CEP89: variants seen among roughly 807,000 people sequenced by gnomAD.
CEP89 encodes the protein centrosomal protein of 89 kDa.
Under a neutral mutation model 97.6 loss-of-function variants are expected in CEP89, and 95 were observed. The observed-to-expected ratio is 0.97, with a 90% CI of 0.82 to 1.15. The LOEUF is 1.15. Ranked by LOEUF, CEP89 falls within the 50% of genes most tolerant of loss-of-function variation. The pLI, the probability that CEP89 is intolerant of heterozygous loss-of-function variation, is 0.00. For synonymous variants in CEP89, 354 were observed against 349.1 expected (o/e 1.01, Z -0.16); for missense variants, 869 against 947.7 (o/e 0.92, Z 1.09).
At chr19:32,912,764 CG>C (rs1370252220) in intron 14 of CEP89, among the ~76,000 whole-genome samples, 1 of 151,958 alleles carries the variant, frequency 6.6e-6, no homozygotes, top group Non-Finnish European at 1.5e-5. Flanking sequence ...AAAATATGGC[CG>C]GGCGCGGTGG....
Position 32,891,183 on chromosome 19 carries a change from C to T in CEP89, c.1876-3342G>A, listed in dbSNP as rs568767010. 3.3e-5 allele frequency among the ~76,000 whole-genome samples: 5 copies of T among 152,356 alleles called. No homozygotes were observed. In the East Asian group the frequency reaches 5.8e-4, roughly 18 times the overall value. ...TAACAGCAACCCCACCCCCTCCAGCCGCAGAGCCCTGCGCACGTGCATGTG... is the reference window on the plus strand; with the variant it reads ...TAACAGCAACCCCACCCCCTCCAGCTGCAGAGCCCTGCGCACGTGCATGTG... On this transcript the variant is annotated intron_variant, in intron 16 of 18. Coordinates refer to ENST00000305768, the MANE Select transcript of CEP89 (RefSeq NM_032816.5).
intron 1 of CEP89, 168 bp downstream of exon 1, chr19:32,971,668 A>AG: frequency 1.5e-6 from 1 of 676,384 alleles, no homozygotes; most frequent in Non-Finnish European, 2.5e-6. Flanking sequence ...TAAAAAAAAA[A>AG]AAAAAAGTTT....
intron 8 of CEP89, among the ~76,000 whole-genome samples, chr19:32,932,292 T>G (rs1006267741): frequency 6.7e-6 from 1 of 150,204 alleles, no homozygotes; most frequent in African/African-American, 2.5e-5. Flanking sequence ...AAACAGAAAA[T>G]AGATCCCACA....
rs1469969337 is a variant in CEP89 at position 32,876,729 on chromosome 19, T to C, written c.*2433A>G. ...TGGCATCCTGGACTCGTGGCTTCTCTGCCCATTTCCTATGGCACCCAGCAG... is the reference window on the plus strand; with the variant it reads ...TGGCATCCTGGACTCGTGGCTTCTCCGCCCATTTCCTATGGCACCCAGCAG... On this transcript the variant is annotated 3_prime_UTR_variant, in exon 19 of 19. Transcript: ENST00000305768. The C allele has an allele frequency of 6.6e-6, 1 of 152,378 alleles. No individual in the cohort carries two copies. 9.4% of individuals were successfully genotyped at this position (152,378 alleles called of 1,614,324 possible).
intron 16 of CEP89, among the ~76,000 whole-genome samples, chr19:32,892,600 C>G (rs1029059270): frequency 3.3e-5 from 5 of 151,378 alleles, no homozygotes; most frequent in African/African-American, 7.3e-5. Flanking sequence ...GCCACTGTGC[C>G]CAGCTAATAG....
chr19:32,900,246 ATTTT>A (rs55730702), intron 15 of CEP89, among the ~76,000 whole-genome samples: 1 of 133,970 alleles, frequency 7.5e-6, no homozygotes, highest in African/African-American at 2.8e-5. Flanking sequence ...GAATAGGTTC[ATTTT>A]TTTTTTTTTT....
intron 4 of CEP89, among the ~76,000 whole-genome samples, chr19:32,949,785 T>G (rs1217515853): frequency 2.0e-5 from 3 of 152,134 alleles, no homozygotes; most frequent in Non-Finnish European, 4.4e-5. Context: ...GTGATCAGTT[T>G]GGCTTAGCTG....
intron 16 of CEP89, among the ~76,000 whole-genome samples, chr19:32,890,794 G>T (rs931541843): frequency 5.9e-5 from 9 of 152,140 alleles, no homozygotes; most frequent in African/African-American, 2.2e-4. Flanking sequence ...TGACCCCACT[G>T]CTCCAGAGCG....
intron 16 of CEP89, among the ~76,000 whole-genome samples, chr19:32,896,376 C>A (rs1969641900): frequency 6.6e-6 from 1 of 152,020 alleles, no homozygotes; most frequent in Non-Finnish European, 1.5e-5. Context: ...GGAAAGGGCA[C>A]CCTCTTCAAT....
intron 2 of CEP89, among the ~76,000 whole-genome samples, chr19:32,962,754 G>A (rs1188808180): frequency 3.3e-5 from 5 of 152,178 alleles, no homozygotes; most frequent in South Asian, 2.1e-4. Context: ...ACTATATAAT[G>A]AACCCTCAGG....
At position 32,899,929 on chromosome 19, in the gene CEP89, A is replaced by G; in HGVS notation, c.1803T>C (p.Ala601=). The change falls in exon 16 of 19, where the codon GCT becomes GCC. Residue 601 remains alanine (A), a synonymous_variant. Transcript: ENST00000305768. The part of the protein sequence containing the change: ...VEKAMGNEMS[A]HQYLANLVGL... ...CAACAAGGTTTGCCAGGTACTGATG[A>G]GCAGACATTTCGTTCCCCATGGCTT... is the stretch of plus-strand genomic sequence containing the variant. The G allele has an allele frequency of 6.2e-7, 1 of 1,614,002 alleles. No homozygotes were observed. Among genetic ancestry groups the G allele is most frequent in the East Asian group, 2.2e-5 (1 of 44,868 alleles).
chr19:32,961,966 C>T (rs913987380), intron 2 of CEP89, among the ~76,000 whole-genome samples: 11 of 151,270 alleles, frequency 7.3e-5, no homozygotes, highest in African/African-American at 1.5e-4. Flanking sequence ...TAAATTACTA[C>T]ATTTTGGTGC....
At chr19:32,949,401 T>G (rs906158838) in intron 4 of CEP89, among the ~76,000 whole-genome samples, 18 of 152,146 alleles carry the variant, frequency 1.2e-4, no homozygotes, top group Non-Finnish European at 2.6e-4. Context: ...TTTTTCTTTT[T>G]TTAAGACATG....
chr19:32,922,891 G>A (rs1599743469), intron 12 of CEP89, among the ~76,000 whole-genome samples: 1 of 152,118 alleles, frequency 6.6e-6, no homozygotes, highest in Middle Eastern at 3.4e-3. Flanking sequence ...GAGCAATAAT[G>A]GCCTCTCCTG....
intron 4 of CEP89, among the ~76,000 whole-genome samples, chr19:32,951,536 C>CACACAT (rs1970917350): frequency 7.8e-6 from 1 of 127,918 alleles, no homozygotes; most frequent in African/African-American, 3.6e-5. Flanking sequence ...TATATATATA[C>CACACAT]ACACACACAC....
chr19:32,956,049 C>CTTTTTT (rs202179963), intron 3 of CEP89, among the ~76,000 whole-genome samples: 112 of 105,738 alleles, frequency 1.1e-3, no homozygotes, highest in Non-Finnish European at 1.3e-3. Context: ...CAATTTGGTT[C>CTTTTTT]TTTTTTTTTT....
chr19:32,953,638 A>G lies in CEP89; in HGVS notation c.469T>C (p.Tyr157His). The G allele has an allele frequency of 1.2e-6, 2 of 1,613,538 alleles. No homozygotes were observed. The highest frequency in any genetic ancestry group is 1.7e-6 in the Non-Finnish European group (2 of 1,179,762). ...EDRGGHSDDL[Y>H]AVPHRNQVPL... ...ACCTGATTTCTGTGTGGCACAGCGT[A>G]CAGGTCATCACTGTGGCCTCCTCTG... The change falls in exon 4 of 19, where the codon TAC becomes CAC. Residue 157 changes from tyrosine (Y) to histidine (H), a missense_variant. Coordinates refer to ENST00000305768, the MANE Select transcript of CEP89 (RefSeq NM_032816.5).
chr19:32,937,905 G>C (rs758686212), intron 6 of CEP89, among the ~76,000 whole-genome samples: 7 of 152,006 alleles, frequency 4.6e-5, no homozygotes, highest in African/African-American at 2.4e-5. Context: ...GCAGTGGTGT[G>C]ATCGCAGCTC....
At chr19:32,902,010 C>CTCTGTGTGTGTGTGTGTGTGTGTG (rs1207481256) in intron 14 of CEP89, among the ~76,000 whole-genome samples, 21 of 133,804 alleles carry the variant, frequency 1.6e-4, no homozygotes, top group Non-Finnish European at 2.2e-4. Context: ...CTCTCTCTCT[C>CTCTGTGTGTGTGTGTGTGTGTGTG]TGTGTGTGTG....
Sources: allele counts gnomAD v4.1 joint callset (sites outside exome capture counted in the v4.1 genomes callset), GRCh38; gene constraint gnomAD v4.1.1; transcripts MANE v1.5; gene names NCBI Gene and HGNC (gene_info 2026-07-23, HGNC 2026-07-21).